Variants in KIF1C observed in about 807,000 individuals in gnomAD.
KIF1C encodes the protein kinesin family member 1C, also known as kinesin-like protein KIF1C.
In KIF1C, 61 loss-of-function variants were observed where a neutral mutation model predicts 126.5. That is an observed-to-expected ratio of 0.48 (90% CI 0.39 to 0.60). The LOEUF is 0.60. Ranked by LOEUF, KIF1C falls within the 20% of genes least tolerant of loss-of-function variation. The pLI is 0.00. For synonymous variants in KIF1C, 640 were observed against 580.6 expected (o/e 1.10, Z -1.47); for missense variants, 1,315 against 1,489.2 (o/e 0.88, Z 1.93).
chr17:5,006,406 G>C (rs112817535), intron 13 of KIF1C, among the ~76,000 whole-genome samples: 19,630 of 151,428 alleles, frequency 0.13, 2,825 homozygotes, highest in African/African-American at 0.36. Context: ...GCGTGGTCTC[G>C]GCTCACTGCA....
At chr17:5,005,070 G>C in intron 13 of KIF1C, 70 bp downstream of exon 13, 4 of 1,599,238 alleles carry the variant, frequency 2.5e-6, no homozygotes, top group Non-Finnish European at 3.4e-6. Flanking sequence ...ACTTGCCTTT[G>C]CCCAGTCCTG....
rs1377480190 is a variant in KIF1C, at chr17:5,020,706, T to C, written c.1937+28T>C. ...GCGAGGGGGTTACCCACGTGCCCCA[T>C]GGCCGTCTAGGCCGTCCCTCCCGGG... On this transcript the variant is annotated intron_variant, in intron 20 of 22. Coordinates refer to ENST00000320785, the MANE Select transcript of KIF1C (RefSeq NM_006612.6). This position sits in a 1 kb window ranked among gnomAD's most constrained non-coding sequence, Gnocchi z 5.8. 1 of 1,611,768 alleles carries C rather than the reference T, an allele frequency of 6.2e-7. No homozygotes were observed. Among genetic ancestry groups the C allele is most frequent in the Non-Finnish European group, 8.5e-7 (1 of 1,178,208 alleles).
In KIF1C at chr17:5,004,873, G is replaced by A. The variant is rs753267733; in HGVS notation, c.1038G>A (p.Lys346=). Residue 346 remains lysine (K), a synonymous_variant, in exon 13 of 23, where the codon AAG becomes AAA. Coordinates refer to ENST00000320785, the MANE Select transcript of KIF1C (RefSeq NM_006612.6). Reference sequence around the variant, plus strand: ...CACCCAGGTATGCTGACCGCACCAAGCAAATCCGCTGCAATGCCATCATCA... The same window carrying A: ...CACCCAGGTATGCTGACCGCACCAAACAAATCCGCTGCAATGCCATCATCA... ...LSTLRYADRT[K]QIRCNAIINE... The A allele has an allele frequency of 4.4e-5, 71 of 1,614,104 alleles. No individual in the cohort carries two copies. The highest frequency in any genetic ancestry group is 5.3e-5 in the Non-Finnish European group (63 of 1,180,048).
rs1235808410 is a variant in KIF1C at position 5,022,436 on chromosome 17, C to T, written c.2355C>T (p.Thr785=). The T allele has an allele frequency of 6.3e-7, 1 of 1,582,122 alleles. No individual in the cohort carries two copies. Among genetic ancestry groups the T allele is most frequent in the East Asian group, 2.3e-5 (1 of 43,282 alleles). The change falls in exon 22 of 23, where the codon ACC becomes ACT. Residue 785 remains threonine (T), a synonymous_variant. Transcript: ENST00000320785. This position sits in a 1 kb window ranked among gnomAD's most constrained non-coding sequence, Gnocchi z 4.9. ...TCAAGATGCGGGAGCTGTGTCGCAC[C>T]TATGGCAAGCCAGACGGCCCCGGAG... The part of the protein sequence containing the change: ...AALKMRELCR[T]YGKPDGPGDA...
intron 18 of KIF1C, among the ~76,000 whole-genome samples, chr17:5,018,870 A>T (rs7219945): frequency 0.064 from 9,721 of 152,190 alleles, 478 homozygotes; most frequent in African/African-American, 0.14. Context: ...TGTTTGGAAG[A>T]TAGTAGGAGT....
Position 5,023,520 on chromosome 17 carries a change from A to C in KIF1C, c.2681A>C (p.Glu894Ala). 6.2e-7 allele frequency: 1 copy of C among 1,613,450 alleles called. No homozygotes were observed. The highest frequency in any genetic ancestry group is 8.5e-7 in the Non-Finnish European group (1 of 1,179,818). The change falls in exon 23 of 23, where the codon GAA (glutamate) becomes GCA (alanine). Residue 894 changes from glutamate to alanine, a missense_variant. Glu to Ala is a moderately radical substitution (Grantham distance 107, BLOSUM62 -1). This residue lies in a region of KIF1C where 441 missense variants were observed against 436.1 expected (regional missense o/e 1.01). Coordinates refer to ENST00000320785, the MANE Select transcript of KIF1C (RefSeq NM_006612.6). The surrounding 1 kb of genome is among the most constrained non-coding windows in gnomAD (Gnocchi z 4.2). The stretch of plus-strand genomic sequence containing the variant: ...GGTGAGGTCCCCTGGGCCCCGCCTG[A>C]AGGATCAGAGGCAGCAGAGGAGGCA... ...EGGEVPWAPP[E>A]GSEAAEEAAP...
In KIF1C at chr17:5,022,421, G is replaced by C. The variant is rs1261739713; in HGVS notation, c.2340G>C (p.Arg780=). The change falls in exon 22 of 23, where the codon CGG becomes CGC. Residue 780 remains arginine (R), a synonymous_variant. Coordinates refer to ENST00000320785, the MANE Select transcript of KIF1C (RefSeq NM_006612.6). The surrounding 1 kb of genome is among the most constrained non-coding windows in gnomAD (Gnocchi z 4.9). ...AGGCCCTGGCCGCCCTCAAGATGCG[G>C]GAGCTGTGTCGCACCTATGGCAAGC... The part of the protein sequence containing the change: ...EIEALAALKM[R]ELCRTYGKPD... 1 of 1,580,210 alleles carries C rather than the reference G, an allele frequency of 6.3e-7. No homozygotes were observed. The highest frequency in any genetic ancestry group is 1.3e-5 in the African/African-American group (1 of 74,204).
intron 18 of KIF1C, among the ~76,000 whole-genome samples, chr17:5,018,674 T>G (rs1246842337): frequency 2.6e-5 from 4 of 151,082 alleles, no homozygotes; most frequent in South Asian, 2.1e-4. Context: ...CAACAAGAGT[T>G]TCACTCCAAC....
intron 4 of KIF1C, 104 bp downstream of exon 4, chr17:5,000,952 G>A: frequency 8.2e-7 from 1 of 1,213,406 alleles, no homozygotes; most frequent in Non-Finnish European, 1.2e-6. Flanking sequence ...GATTAGTCAG[G>A]GTGAATTGGG....
intron 16 of KIF1C, among the ~76,000 whole-genome samples, chr17:5,009,055 A>G (rs1382382795): frequency 2.0e-5 from 3 of 151,930 alleles, no homozygotes; most frequent in Non-Finnish European, 4.4e-5. Context: ...AGAACATTCT[A>G]ATAGTTCTAA....
chr17:5,015,277 CTTTTTCTTTTTCTTTTTT>C (rs1974948529), intron 18 of KIF1C, among the ~76,000 whole-genome samples: 1 of 151,994 alleles, frequency 6.6e-6, no homozygotes, highest in African/African-American at 2.4e-5. Flanking sequence ...TTTTCTTTTT[CTTTTTCTTTTTCTTTTTT>C]TTTTGAGACG....
chr17:5,024,083 A>G lies in KIF1C; in HGVS notation c.3244A>G (p.Thr1082Ala), dbSNP rs146157309. The G allele has an allele frequency of 4.4e-6, 7 of 1,605,214 alleles. No homozygotes were observed. The South Asian group carries it at 4.4e-5, about 10-fold the overall frequency. ...CCCAGGGCCCCGCTACCCCCCATACACTACTCCCCCACGAATGAGACGGCA... is the reference window on the plus strand; with the variant it reads ...CCCAGGGCCCCGCTACCCCCCATACGCTACTCCCCCACGAATGAGACGGCA... ...RPPGPRYPPY[T>A]TPPRMRRQRS... The change falls in exon 23 of 23, where the codon ACT becomes GCT. Residue 1082 changes from threonine (T) to alanine (A), a missense_variant. By Grantham distance (58) the Thr-to-Ala change is moderately conservative. This residue lies in a region of KIF1C where 441 missense variants were observed against 436.1 expected (regional missense o/e 1.01). Coordinates refer to ENST00000320785, the MANE Select transcript of KIF1C (RefSeq NM_006612.6).
chr17:5,007,609 G>A (rs1974765604), intron 16 of KIF1C, 67 bp downstream of exon 16: 3 of 1,350,472 alleles, frequency 2.2e-6, no homozygotes, highest in South Asian at 2.8e-5. Flanking sequence ...GGCAGCAGGT[G>A]CAGGGTAGTG....
intron 17 of KIF1C, 60 bp from the exon 18 acceptor site, chr17:5,014,683 C>T: frequency 8.1e-7 from 1 of 1,227,756 alleles, no homozygotes; most frequent in South Asian, 1.3e-5. Context: ...AACTGGTGTT[C>T]AGGAGGGGCT....
chr17:5,004,822 A>G, intron 12 of KIF1C, 33 bp from the exon 13 acceptor site: 1 of 1,613,930 alleles, frequency 6.2e-7, no homozygotes, highest in South Asian at 1.1e-5. Flanking sequence ...CCCTGCCCCC[A>G]GGCCTCACCG....
At position 5,000,295 on chromosome 17, in the gene KIF1C, G is replaced by A. The variant is rs776354474; in HGVS notation, c.49G>A (p.Ala17Thr). The A allele has an allele frequency of 7.3e-5, 117 of 1,591,918 alleles. 1 individual carries two copies. The South Asian group carries it at 1.3e-3, about 17-fold the overall frequency. Residue 17 changes from alanine (A) to threonine (T), a missense_variant, in exon 3 of 23, where the codon GCC becomes ACC. By Grantham distance (58) the Ala-to-Thr change is moderately conservative. Coordinates refer to ENST00000320785, the MANE Select transcript of KIF1C (RefSeq NM_006612.6). ...GGCAGTGAGGGTTCGGCCCTTTAAC[G>A]CCCGTGAGACCAGCCAGGATGCCAA... is the stretch of plus-strand genomic sequence containing the variant. ...KVAVRVRPFNARETSQDAKCV... is the reference protein window; with the variant it reads ...KVAVRVRPFNTRETSQDAKCV...
At chr17:5,010,797 A>T (rs1474024909) in intron 16 of KIF1C, among the ~76,000 whole-genome samples, 1 of 151,470 alleles carries the variant, frequency 6.6e-6, no homozygotes, top group African/African-American at 2.4e-5. Flanking sequence ...CCCTCTGAAG[A>T]TTATAACCAT....
At chr17:5,001,001 G>A (rs1477949543) in intron 4 of KIF1C, among the ~76,000 whole-genome samples, 153 bp downstream of exon 4, 1 of 152,060 alleles carries the variant, frequency 6.6e-6, no homozygotes, top group Non-Finnish European at 1.5e-5. Flanking sequence ...CCCTTAGGCT[G>A]TGATTGAGGC....
At chr17:5,021,480 ACTTT>A (rs1198480301) in intron 21 of KIF1C, among the ~76,000 whole-genome samples, 1 of 147,636 alleles carries the variant, frequency 6.8e-6, no homozygotes, top group Non-Finnish European at 1.5e-5. Flanking sequence ...CCGGCCATGG[ACTTT>A]CTATTTTGTT....
Sources: gnomAD v4.1 joint callset for allele counts (sites outside exome capture counted in the v4.1 genomes callset) on GRCh38, gnomAD v4.1.1 for gene constraint, gnomAD v4.1.1 regional missense constraint, Gnocchi (gnomAD v3.1) non-coding constraint, MANE v1.5 for transcripts, NCBI Gene and HGNC (gene_info 2026-07-23, HGNC 2026-07-21) for gene names.